The following STAB2 variants were observed in gnomAD, a reference collection of about 807,000 sequenced individuals.
STAB2 encodes the protein stabilin-2.
Under a neutral mutation model 338.1 loss-of-function variants are expected in STAB2, and 288 were observed. The observed-to-expected ratio is 0.85, with a 90% CI of 0.77 to 0.94. STAB2 has a LOEUF of 0.94. Among genes scored for constraint, STAB2 ranks in the 40% least tolerant of loss-of-function variants. STAB2 has a pLI of 0.00. For missense variants in STAB2, 3,141 were observed against 3,210.1 expected (o/e 0.98, Z 0.52); for synonymous variants, 1,202 against 1,193.3 (o/e 1.01, Z -0.15).
chr12:103,606,777 G>A (rs1957034467), intron 3 of STAB2, among the ~76,000 whole-genome samples: 1 of 152,162 alleles, frequency 6.6e-6, no homozygotes, highest in African/African-American at 2.4e-5. Context: ...GAGGTCAGGA[G>A]ATCAAGACCA....
chr12:103,619,132 T>A (rs1957257967), intron 3 of STAB2, among the ~76,000 whole-genome samples: 1 of 152,242 alleles, frequency 6.6e-6, no homozygotes, highest in Admixed American at 6.5e-5. Context: ...CAGGCATGTC[T>A]TTATTAGCAG....
In STAB2 at chr12:103,675,966, T is replaced by A; in HGVS notation, c.2591T>A (p.Leu864Gln). 6.2e-7 allele frequency: 1 copy of A among 1,613,820 alleles called. No individual in the cohort carries two copies. The highest frequency in any genetic ancestry group is 8.5e-7 in the Non-Finnish European group (1 of 1,179,894). ...GCAGGATATGAAGGAGATGGAACTCTGTGTTCTGAGATGGACCCTTGCACA... is the reference window on the plus strand; with the variant it reads ...GCAGGATATGAAGGAGATGGAACTCAGTGTTCTGAGATGGACCCTTGCACA... ...CKAGYEGDGT[L>Q]CSEMDPCTGL... Residue 864 changes from leucine to glutamine, a missense_variant, in exon 24 of 69, where the codon CTG becomes CAG. Physicochemically the swap from Leu to Gln is moderately radical, Grantham distance 113. Transcript: ENST00000388887.
chr12:103,731,014 A>G (rs1047044410), intron 49 of STAB2, among the ~76,000 whole-genome samples: 1 of 152,170 alleles, frequency 6.6e-6, no homozygotes, highest in African/African-American at 2.4e-5. Context: ...CAGTGACCTG[A>G]GATCATGCTA....
chr12:103,684,795 G>A (rs185492046), intron 26 of STAB2, among the ~76,000 whole-genome samples, 194 bp from the exon 27 acceptor site: 5 of 152,228 alleles, frequency 3.3e-5, no homozygotes, highest in East Asian at 3.9e-4. Flanking sequence ...ATAAATAATC[G>A]TGATTAATAG....
intron 28 of STAB2, among the ~76,000 whole-genome samples, chr12:103,688,479 T>G (rs546847004): frequency 6.6e-6 from 1 of 152,342 alleles, no homozygotes; most frequent in South Asian, 2.1e-4. Flanking sequence ...GAAAGGGGGC[T>G]TCATTCATCA....
chr12:103,753,558 T>C (rs1217369003), intron 61 of STAB2, among the ~76,000 whole-genome samples: 5 of 152,210 alleles, frequency 3.3e-5, no homozygotes, highest in Admixed American at 1.3e-4. Flanking sequence ...GTGGATATTA[T>C]TGTTCATCCT....
chr12:103,713,341 T>C (rs1880034585), intron 41 of STAB2, among the ~76,000 whole-genome samples: 1 of 152,210 alleles, frequency 6.6e-6, no homozygotes, highest in Admixed American at 6.5e-5. Context: ...TGGACAATGA[T>C]CATGCCAATC....
At position 103,669,877 on chromosome 12, in the gene STAB2, G is replaced by A. The variant is rs78407717; in HGVS notation, c.2259+250G>A. 7.6e-4 allele frequency among the ~76,000 whole-genome samples: 115 copies of A among 152,286 alleles called. 1 individual carries two copies. The East Asian group carries it at 0.021, about 27-fold the overall frequency. Reference sequence around the variant, plus strand: ...GGCTGCAGGACGTTGGGTAACTCAAGAAGGATCTCTGGGCCTCACGTTCCT... The same window carrying A: ...GGCTGCAGGACGTTGGGTAACTCAAAAAGGATCTCTGGGCCTCACGTTCCT... On this transcript the variant is annotated intron_variant, in intron 21 of 68. Coordinates refer to ENST00000388887, the MANE Select transcript of STAB2 (RefSeq NM_017564.10).
intron 55 of STAB2, among the ~76,000 whole-genome samples, chr12:103,742,162 C>T (rs7316328): frequency 6.6e-6 from 1 of 151,966 alleles, no homozygotes; most frequent in East Asian, 1.9e-4. Context: ...ATCCTCAAAT[C>T]CAGTGCACAA....
At chr12:103,745,303 T>C in intron 57 of STAB2, 26 bp downstream of exon 57, 1 of 1,605,102 alleles carries the variant, frequency 6.2e-7, no homozygotes, top group Non-Finnish European at 8.5e-7. Context: ...GGTCAGCTGC[T>C]GGCAGCCCAG....
rs145139913 is a variant in STAB2, at chr12:103,735,411, G to A, written c.5461-80G>A. The A allele has an allele frequency of 4.2e-4, 429 of 1,023,560 alleles. 1 individual carries two copies. Among genetic ancestry groups the A allele is most frequent in the Non-Finnish European group, 4.6e-4 (331 of 718,848 alleles). 63.4% of individuals were successfully genotyped at this position (1,023,560 alleles called of 1,614,324 possible). A position where few individuals can be genotyped will look rare whatever the true frequency, so the allele number is the denominator to read the frequency against. ...GTGGAAAAATTTGCATCTGAATTTG[G>A]TTTTTTGGTAAAGCTCCTTCGGGCC... On this transcript the variant is annotated intron_variant, in intron 51 of 68. Transcript: ENST00000388887.
rs551532878 is a variant in STAB2, at chr12:103,692,707, G to A, written c.3298-105G>A. On this transcript the variant is annotated intron_variant, in intron 30 of 68. Transcript: ENST00000388887. The stretch of plus-strand genomic sequence containing the variant: ...TCTTACTGTGGGTCTTGGCCCAAAA[G>A]TATGAAGGTCACTGCTGCTCAAAAA... 93 of 876,496 alleles carry A rather than the reference G, an allele frequency of 1.1e-4. No homozygotes were observed. In the African/African-American group the frequency reaches 1.3e-3, roughly 12 times the overall value. 54.3% of individuals were successfully genotyped at this position (876,496 alleles called of 1,614,324 possible). A position where few individuals can be genotyped will look rare whatever the true frequency, so the allele number is the denominator to read the frequency against.
chr12:103,667,584 A>C (rs1023645912), intron 19 of STAB2, among the ~76,000 whole-genome samples: 1 of 152,190 alleles, frequency 6.6e-6, no homozygotes, highest in Admixed American at 6.5e-5. Context: ...GGTAGGAGCC[A>C]AAAGAAGCCC....
At chr12:103,648,628 T>C (rs1456535630) in intron 9 of STAB2, 62 bp from the exon 10 acceptor site, 2 of 1,582,596 alleles carry the variant, frequency 1.3e-6, no homozygotes, top group Non-Finnish European at 1.7e-6. Context: ...GGGATTGGAC[T>C]GTATGATCAA....
At chr12:103,715,960 G>A in intron 43 of STAB2, 72 bp downstream of exon 43, 1 of 1,514,240 alleles carries the variant, frequency 6.6e-7, no homozygotes, top group Non-Finnish European at 9.1e-7. Flanking sequence ...ACAGGCCTGA[G>A]AGAAAGAGGC....
chr12:103,617,626 G>T (rs181930386), intron 3 of STAB2, among the ~76,000 whole-genome samples: 1 of 152,196 alleles, frequency 6.6e-6, no homozygotes, highest in African/African-American at 2.4e-5. Context: ...CAATCGCATC[G>T]CATTTCATGC....
chr12:103,616,602 C>T (rs1257782165), intron 3 of STAB2, among the ~76,000 whole-genome samples: 1 of 152,228 alleles, frequency 6.6e-6, no homozygotes, highest in African/African-American at 2.4e-5. Flanking sequence ...GAGTCTCAGG[C>T]TTCAGGAGGC....
chr12:103,653,920 TGGAC>T (rs1456428905), intron 12 of STAB2, among the ~76,000 whole-genome samples: 1 of 147,768 alleles, frequency 6.8e-6, no homozygotes, highest in Non-Finnish European at 1.5e-5. Flanking sequence ...GATGGATGGA[TGGAC>T]GGATGGAGAG....
chr12:103,615,683 G>T (rs1028371864), intron 3 of STAB2, among the ~76,000 whole-genome samples: 2 of 152,180 alleles, frequency 1.3e-5, no homozygotes, highest in African/African-American at 2.4e-5. Flanking sequence ...AAGGAAAGAG[G>T]TTTAATTGGC....
Sources: allele counts gnomAD v4.1 joint callset (sites outside exome capture counted in the v4.1 genomes callset), GRCh38; gene constraint gnomAD v4.1.1; transcripts MANE v1.5; gene names NCBI Gene and HGNC (gene_info 2026-07-23, HGNC 2026-07-21).